PIGG: variants seen among roughly 807,000 people sequenced by gnomAD.
PIGG encodes the protein phosphatidylinositol glycan anchor biosynthesis class G (EMM blood group), also known as GPI ethanolamine phosphate transferase 2, catalytic subunit.
A neutral mutation model predicts 83.2 loss-of-function variants in PIGG; 70 were observed. That is an observed-to-expected ratio of 0.84 (90% CI 0.69 to 1.03). The LOEUF (loss-of-function observed/expected upper bound fraction) is 1.03, where lower values mean the gene tolerates loss of function less well. PIGG is among the 50% of genes least tolerant of loss of function. The pLI, the probability that PIGG is intolerant of heterozygous loss-of-function variation, is 0.00. For missense variants in PIGG, 1,257 were observed against 1,233.6 expected (o/e 1.02, Z -0.28); for synonymous variants, 532 against 519.5 (o/e 1.02, Z -0.33).
intron 8 of PIGG, chr4:522,209 G>A: frequency 1.7e-6 from 1 of 598,766 alleles, no homozygotes; most frequent in Non-Finnish European, 3.0e-6. Context: ...CTGTTACCAA[G>A]GTGATTGTAA....
rs960972486 is a variant in PIGG, at chr4:515,941, G to A, written c.902-32G>A. 1.3e-6 allele frequency: 2 copies of A among 1,544,888 alleles called. No individual in the cohort carries two copies. Among genetic ancestry groups the A allele is most frequent in the Non-Finnish European group, 1.8e-6 (2 of 1,116,920 alleles). The stretch of plus-strand genomic sequence containing the variant: ...GAGTACCATCTTACACTTTCTAGAA[G>A]TCTGTTACTTAAAATGTTTTCTTTC... On this transcript the variant is annotated intron_variant, in intron 5 of 12. Coordinates refer to ENST00000453061, the MANE Select transcript of PIGG (RefSeq NM_001127178.3). This position sits in a 1 kb window ranked among gnomAD's most constrained non-coding sequence, Gnocchi z 4.2.
chr4:521,861 A>T lies in PIGG; in HGVS notation c.1534A>T (p.Met512Leu), dbSNP rs752491773. The change falls in exon 8 of 13, where the codon ATG (methionine) becomes TTG (leucine). Residue 512 changes from methionine (M) to leucine (L), a missense_variant. Transcript: ENST00000453061. Reference sequence around the variant, plus strand: ...CTCGTGGCTGGCGGCAGGTGGGGTGATGGTGCTGGCCTCGGCGCTGCTGTG... The same window carrying T: ...CTCGTGGCTGGCGGCAGGTGGGGTGTTGGTGCTGGCCTCGGCGCTGCTGTG... ...GLSWLAAGGVMVLASALLCVI... is the reference protein window; with the variant it reads ...GLSWLAAGGVLVLASALLCVI... 6 of 1,614,038 alleles carry T rather than the reference A, an allele frequency of 3.7e-6. No individual in the cohort carries two copies. In the South Asian group the frequency reaches 5.5e-5, roughly 15 times the overall value.
At position 517,358 on chromosome 4, in the gene PIGG, A is replaced by C. The variant is rs146927039; in HGVS notation, c.1114+1173A>C. Among the ~76,000 whole-genome samples the C allele has an allele frequency of 2.6e-3, 399 of 152,284 alleles. 4 individuals carry two copies. Among genetic ancestry groups the C allele is most frequent in the African/African-American group, 9.1e-3 (380 of 41,564 alleles). ...AAGGTCATGAAGACAGGATTTGCTC[A>C]CGTGCTGCGATATTGGGTACGAGCA... On this transcript the variant is annotated intron_variant, in intron 6 of 12. Transcript: ENST00000453061.
In PIGG at chr4:528,305, A is replaced by C. The variant is rs1367865529; in HGVS notation, c.2261+1075A>C. The C allele has an allele frequency of 1.0e-6, 1 of 983,938 alleles. No individual in the cohort carries two copies. The highest frequency in any genetic ancestry group is 1.2e-6 in the Non-Finnish European group (1 of 828,764). 61.0% of individuals were successfully genotyped at this position (983,938 alleles called of 1,614,324 possible). Reference sequence around the variant, plus strand: ...TATATTTAGGACCTGAAATCATAAGATTGTGGTCTTGCTTTTTACTTATTT... The same window carrying C: ...TATATTTAGGACCTGAAATCATAAGCTTGTGGTCTTGCTTTTTACTTATTT... On this transcript the variant is annotated intron_variant, in intron 10 of 12. Transcript: ENST00000453061. This position sits in a 1 kb window ranked among gnomAD's most constrained non-coding sequence, Gnocchi z 4.8.
chr4:516,045 C>A lies in PIGG; in HGVS notation c.974C>A (p.Pro325Gln). The change falls in exon 6 of 13, where the codon CCG becomes CAG. Residue 325 changes from proline to glutamine, a missense_variant. Physicochemically the swap from Pro to Gln is moderately conservative, Grantham distance 76 (BLOSUM62 -1). Transcript: ENST00000453061. ...ACACTGGCGATAGCACTTGGCTTAC[C>A]GATTCCAAAAGACAGTGTAGGGAGC... ...AATLAIALGLPIPKDSVGSLL... is the reference protein window; with the variant it reads ...AATLAIALGLQIPKDSVGSLL... The A allele has an allele frequency of 1.2e-6, 2 of 1,614,170 alleles. No individual in the cohort carries two copies. Among genetic ancestry groups the A allele is most frequent in the Non-Finnish European group, 1.7e-6 (2 of 1,179,984 alleles).
intron 6 of PIGG, among the ~76,000 whole-genome samples, chr4:518,413 G>T (rs1724633582): frequency 6.6e-6 from 1 of 152,128 alleles, no homozygotes; most frequent in Non-Finnish European, 1.5e-5. Context: ...CTAACACAGT[G>T]AAACCCCATC....
rs1465940384 is a variant in PIGG at position 523,493 on chromosome 4, T to C, written c.1649T>C (p.Leu550Pro). ...PMHPSSRWSE[L>P]DLLILLGTAG... ...CATCCCAGCTCAAGGTGGTCAGAGCTAGACCTTCTTATTCTGTTGGGGACG... is the reference window on the plus strand; with the variant it reads ...CATCCCAGCTCAAGGTGGTCAGAGCCAGACCTTCTTATTCTGTTGGGGACG... The change falls in exon 9 of 13, where the codon CTA (leucine) becomes CCA (proline). Residue 550 changes from leucine (L) to proline (P), a missense_variant. Transcript: ENST00000453061. 1.9e-6 allele frequency: 3 copies of C among 1,614,020 alleles called. No individual in the cohort carries two copies. The Admixed American group carries it at 5.0e-5, about 27-fold the overall frequency.
intron 8 of PIGG, 161 bp downstream of exon 8, chr4:522,102 C>T: frequency 1.4e-6 from 1 of 727,824 alleles, no homozygotes; most frequent in Non-Finnish European, 2.4e-6. Flanking sequence ...GGACGTGGAG[C>T]AGCCTTATCC....
chr4:512,769 C>T (rs140604948), intron 5 of PIGG, among the ~76,000 whole-genome samples: 7,701 of 151,960 alleles, frequency 0.051, 358 homozygotes, highest in Admixed American at 0.13. Flanking sequence ...GAGCCGAGAT[C>T]GCACCACTGC....
intron 3 of PIGG, 81 bp from the exon 4 acceptor site, chr4:507,324 G>A (rs940064522): frequency 1.7e-5 from 19 of 1,102,758 alleles, no homozygotes; most frequent in African/African-American, 3.1e-5. Flanking sequence ...TAGATTTTAA[G>A]ATGACTGTTG....
chr4:538,937 C>T (rs1366935208), intron 12 of PIGG, among the ~76,000 whole-genome samples: 2 of 152,188 alleles, frequency 1.3e-5, no homozygotes, highest in African/African-American at 2.4e-5. Flanking sequence ...AGAACACAGC[C>T]TCCAAGGGGG....
intron 10 of PIGG, chr4:527,556 G>A (rs1356674827): frequency 8.5e-6 from 9 of 1,055,552 alleles, no homozygotes; most frequent in Admixed American, 4.9e-5. Flanking sequence ...AGCGTGAATC[G>A]GTTTCTAAGT....
At chr4:535,007 C>T (rs946752155) in intron 12 of PIGG, among the ~76,000 whole-genome samples, 4 of 152,248 alleles carry the variant, frequency 2.6e-5, no homozygotes, top group Non-Finnish European at 4.4e-5. Context: ...TTCCCACCGC[C>T]GCACACTCTC....
At chr4:535,735 A>G (rs1730418668) in intron 12 of PIGG, among the ~76,000 whole-genome samples, 1 of 152,004 alleles carries the variant, frequency 6.6e-6, no homozygotes, top group East Asian at 1.9e-4. Flanking sequence ...GCGACTCCAC[A>G]GAGCATCTGC....
At chr4:519,532 G>T (rs1447258654) in intron 6 of PIGG, among the ~76,000 whole-genome samples, 1 of 152,214 alleles carries the variant, frequency 6.6e-6, no homozygotes, top group East Asian at 1.9e-4. Context: ...CTGTGGCCCA[G>T]GTGCGTGACT....
At chr4:507,900 C>G (rs1553880811) in intron 4 of PIGG, among the ~76,000 whole-genome samples, 2 of 152,132 alleles carry the variant, frequency 1.3e-5, no homozygotes, top group Admixed American at 1.3e-4. Context: ...CTGTGCCACT[C>G]TGTTCTGTGT....
chr4:510,225 TCTA>T (rs1553882607), intron 5 of PIGG, among the ~76,000 whole-genome samples: 1 of 152,184 alleles, frequency 6.6e-6, no homozygotes, highest in Non-Finnish European at 1.5e-5. Context: ...TAGCATTGGT[TCTA>T]CTGATTCTAA....
chr4:538,474 C>G (rs1438735267), intron 12 of PIGG, among the ~76,000 whole-genome samples: 1 of 152,152 alleles, frequency 6.6e-6, no homozygotes, highest in Non-Finnish European at 1.5e-5. Context: ...TTGTATCTCA[C>G]CCTTTTGTGA....
chr4:521,410 G>A, intron 7 of PIGG, 137 bp downstream of exon 7: 1 of 705,646 alleles, frequency 1.4e-6, no homozygotes, highest in South Asian at 2.0e-5. Flanking sequence ...CTCTTTCGTG[G>A]TGTGTCCTGA....
Sources: gnomAD v4.1 joint callset for allele counts (sites outside exome capture counted in the v4.1 genomes callset) on GRCh38, gnomAD v4.1.1 for gene constraint, Gnocchi (gnomAD v3.1) non-coding constraint, MANE v1.5 for transcripts, NCBI Gene and HGNC (gene_info 2026-07-23, HGNC 2026-07-21) for gene names.